The following ARMC2 variants were observed in gnomAD, a reference collection of about 807,000 sequenced individuals.
ARMC2 encodes the protein armadillo repeat-containing protein 2.
Under a neutral mutation model 90.3 loss-of-function variants are expected in ARMC2, and 67 were observed. The observed-to-expected ratio is 0.74, with a 90% CI of 0.61 to 0.91. The LOEUF is 0.91. Among genes scored for constraint, ARMC2 ranks in the 40% least tolerant of loss-of-function variants. ARMC2 has a pLI of 0.00. For synonymous variants in ARMC2, 393 were observed against 393.0 expected (o/e 1.00, Z 0.00); for missense variants, 920 against 1,030.9 (o/e 0.89, Z 1.47).
chr6:109,016,209 T>A, the ARMC2 span, among the ~76,000 whole-genome samples: 2 of 152,206 alleles, frequency 1.3e-5, no homozygotes, highest in East Asian at 1.9e-4. Context: ...GTAATTTTTA[T>A]TCAAAGAAAC....
In ARMC2 at chr6:108,876,126, T is replaced by C. The variant is rs1776906562; in HGVS notation, c.464-17T>C. ...ATAAGAATACTTCAACAAAATATTT[T>C]CTTGGTTATATTGCAGCAAAGAAGA... On this transcript the variant is annotated splice_polypyrimidine_tract_variant and intron_variant, in intron 4 of 17. Coordinates refer to ENST00000392644, the MANE Select transcript of ARMC2 (RefSeq NM_032131.6). The C allele has an allele frequency of 6.4e-7, 1 of 1,572,380 alleles. No homozygotes were observed. Among genetic ancestry groups the C allele is most frequent in the Admixed American group, 1.9e-5 (1 of 54,032 alleles).
At chr6:108,931,942 T>G (rs908507858) in intron 11 of ARMC2, among the ~76,000 whole-genome samples, 3 of 151,850 alleles carry the variant, frequency 2.0e-5, no homozygotes, top group Non-Finnish European at 4.4e-5. Flanking sequence ...TCTTTGTATT[T>G]TTAGTAGAGA....
At chr6:108,955,681 A>C (rs1384152295) in intron 13 of ARMC2, among the ~76,000 whole-genome samples, 1 of 151,836 alleles carries the variant, frequency 6.6e-6, no homozygotes, top group Non-Finnish European at 1.5e-5. Context: ...TTAGGCTTGA[A>C]CTCTTTTCCA....
chr6:108,964,540 G>A (rs1778222978), intron 16 of ARMC2, among the ~76,000 whole-genome samples: 1 of 152,126 alleles, frequency 6.6e-6, no homozygotes, highest in African/African-American at 2.4e-5. Flanking sequence ...TTGGGAGGCC[G>A]AGGTGGGCAG....
intron 5 of ARMC2, among the ~76,000 whole-genome samples, chr6:108,890,751 A>G (rs1562357681): frequency 6.6e-6 from 1 of 152,094 alleles, no homozygotes; most frequent in Non-Finnish European, 1.5e-5. Context: ...TTTTATTTCT[A>G]ACATTATTGT....
intron 8 of ARMC2, chr6:108,907,633 G>C: frequency 5.0e-6 from 8 of 1,589,834 alleles, no homozygotes; most frequent in Non-Finnish European, 6.9e-6. Flanking sequence ...GGAGCCACTC[G>C]TGCTTGAGAT....
At chr6:108,868,255 C>T (rs1776035597) in intron 3 of ARMC2, among the ~76,000 whole-genome samples, 1 of 151,766 alleles carries the variant, frequency 6.6e-6, no homozygotes, top group Non-Finnish European at 1.5e-5. Flanking sequence ...CTTGCTCTGT[C>T]ACCCAGGCTG....
chr6:108,864,181 A>G (rs985657874), intron 3 of ARMC2, among the ~76,000 whole-genome samples: 13 of 152,050 alleles, frequency 8.5e-5, no homozygotes, highest in African/African-American at 2.9e-4. Flanking sequence ...GGAGAAAATC[A>G]TAGTTAATAG....
At chr6:109,029,294 G>C in the ARMC2 span, among the ~76,000 whole-genome samples, 1 of 152,250 alleles carries the variant, frequency 6.6e-6, no homozygotes, top group South Asian at 2.1e-4. Flanking sequence ...TAGAAATCAC[G>C]GGTTAAAACA....
chr6:108,907,879 G>A, intron 8 of ARMC2: 1 of 1,607,498 alleles, frequency 6.2e-7, no homozygotes, highest in African/African-American at 1.3e-5. Context: ...CTATCTTAGA[G>A]TCCTGGTGTC....
the ARMC2 span, among the ~76,000 whole-genome samples, chr6:109,011,740 C>T: frequency 3.9e-5 from 6 of 151,928 alleles, 1 homozygote; most frequent in East Asian, 1.2e-3. Context: ...GTGATCCTCC[C>T]ACCTCAGCCT....
At chr6:108,993,984 T>A in the ARMC2 span, among the ~76,000 whole-genome samples, 1 of 151,142 alleles carries the variant, frequency 6.6e-6, no homozygotes, top group East Asian at 1.9e-4. Context: ...CAAAAAAAAT[T>A]AAAAAATTAA....
chr6:108,927,643 ACATC>A (rs1237765847), intron 10 of ARMC2, among the ~76,000 whole-genome samples: 1 of 151,950 alleles, frequency 6.6e-6, no homozygotes, highest in East Asian at 1.9e-4. Flanking sequence ...TTCCTTGGCC[ACATC>A]ATTCATTATC....
chr6:108,922,262 C>A (rs1237421117), intron 10 of ARMC2, among the ~76,000 whole-genome samples: 1 of 151,960 alleles, frequency 6.6e-6, no homozygotes, highest in Non-Finnish European at 1.5e-5. Context: ...TCCGGAGGGC[C>A]CCCCCACCCT....
intron 6 of ARMC2, among the ~76,000 whole-genome samples, chr6:108,897,377 T>G (rs1771705413): frequency 6.6e-6 from 1 of 152,218 alleles, no homozygotes; most frequent in East Asian, 1.9e-4. Flanking sequence ...GACTAATTTG[T>G]CCTAAAGACA....
At chr6:108,936,034 G>A (rs1341685569) in intron 11 of ARMC2, among the ~76,000 whole-genome samples, 1 of 152,050 alleles carries the variant, frequency 6.6e-6, no homozygotes, top group Non-Finnish European at 1.5e-5. Context: ...CAATTAGGAA[G>A]AAATATATGA....
the ARMC2 span, among the ~76,000 whole-genome samples, chr6:108,997,960 AGG>A: frequency 2.0e-5 from 3 of 152,224 alleles, no homozygotes; most frequent in Admixed American, 6.5e-5. Flanking sequence ...GAAGGAATAG[AGG>A]TGAAAGCATT....
chr6:109,050,681 G>C, the ARMC2 span, among the ~76,000 whole-genome samples: 1 of 152,088 alleles, frequency 6.6e-6, no homozygotes, highest in South Asian at 2.1e-4. Context: ...ATAATCCTTA[G>C]GTCTCTCAGC....
chr6:109,039,743 T>C, the ARMC2 span, among the ~76,000 whole-genome samples: 1 of 152,264 alleles, frequency 6.6e-6, no homozygotes, highest in Admixed American at 6.5e-5. Flanking sequence ...ACAAAGTTTC[T>C]AGTAAAAGTT....
Sources: allele counts gnomAD v4.1 joint callset (sites outside exome capture counted in the v4.1 genomes callset), GRCh38; gene constraint gnomAD v4.1.1; transcripts MANE v1.5; gene names NCBI Gene and HGNC (gene_info 2026-07-23, HGNC 2026-07-21).